Variants in RTF2 observed in about 807,000 individuals in gnomAD.
The protein encoded by RTF2 is replication termination factor 2, also known as UPF0549 protein C20orf43.
A neutral mutation model predicts 38.0 loss-of-function variants in RTF2; 18 were observed. The ratio of observed to expected loss-of-function variants is 0.47; its 90% CI spans 0.33 to 0.70. The LOEUF (loss-of-function observed/expected upper bound fraction) is 0.70. Among genes scored for constraint, RTF2 ranks in the 30% least tolerant of loss-of-function variants. The pLI is 0.02. For missense variants in RTF2, 311 were observed against 379.6 expected (o/e 0.82, Z 1.50); for synonymous variants, 126 against 137.1 (o/e 0.92, Z 0.57).
chr20:56,491,088 A>T (rs1293334482), intron 5 of RTF2, among the ~76,000 whole-genome samples: 2 of 152,322 alleles, frequency 1.3e-5, no homozygotes. Context: ...TACACTCTTC[A>T]TTATTTTTCT....
chr20:56,478,968 AC>A (rs1982392143), intron 4 of RTF2, among the ~76,000 whole-genome samples: 1 of 152,130 alleles, frequency 6.6e-6, no homozygotes, highest in Non-Finnish European at 1.5e-5. Flanking sequence ...GTCTCAAGAA[AC>A]CACTTTCTTT....
At chr20:56,496,489 A>G in intron 5 of RTF2, 1 of 789,906 alleles carries the variant, frequency 1.3e-6, no homozygotes, top group South Asian at 2.4e-5. Context: ...TGGAGCTTGC[A>G]GTGAGCCGAG....
intron 5 of RTF2, among the ~76,000 whole-genome samples, chr20:56,491,109 G>T (rs1469619774): frequency 6.6e-6 from 1 of 152,252 alleles, no homozygotes; most frequent in Middle Eastern, 3.2e-3. Context: ...AGGACCGCCA[G>T]AATAGGGTTA....
chr20:56,503,432 C>T (rs1984051833), intron 5 of RTF2, among the ~76,000 whole-genome samples: 1 of 152,130 alleles, frequency 6.6e-6, no homozygotes, highest in African/African-American at 2.4e-5. Flanking sequence ...TGAGGATTTG[C>T]ACGTGGCCTT....
At chr20:56,488,009 T>C (rs926364574) in intron 5 of RTF2, among the ~76,000 whole-genome samples, 2 of 152,182 alleles carry the variant, frequency 1.3e-5, no homozygotes, top group Admixed American at 6.5e-5. Flanking sequence ...GACTTCAACA[T>C]ATGGATTTTG....
At chr20:56,513,483 G>A in intron 6 of RTF2, 55 bp downstream of exon 6, 1 of 1,547,678 alleles carries the variant, frequency 6.5e-7, no homozygotes, top group Non-Finnish European at 8.7e-7. Flanking sequence ...AGAGCCGACT[G>A]CAAATCACTG....
In RTF2 at chr20:56,490,756, G is replaced by T. The variant is rs375540349; in HGVS notation, c.477+6567G>T. ...GGCTTGAACCTGGGAGGCAGAGATTGCGGTGAGCCGAGATCGTGCCATTGC... is the reference window on the plus strand; with the variant it reads ...GGCTTGAACCTGGGAGGCAGAGATTTCGGTGAGCCGAGATCGTGCCATTGC... On this transcript the variant is annotated intron_variant, in intron 5 of 8. Coordinates refer to ENST00000357348, the MANE Select transcript of RTF2 (RefSeq NM_016407.5). Among the ~76,000 whole-genome samples, 76 of 152,354 alleles carry T rather than the reference G, an allele frequency of 5.0e-4. 1 individual carries two copies. The highest frequency in any genetic ancestry group is 1.8e-3 in the African/African-American group (74 of 41,582).
Position 56,513,535 on chromosome 20 carries a change from G to A in RTF2, c.591+107G>A, listed in dbSNP as rs1348953674. The A allele has an allele frequency of 3.6e-6, 5 of 1,401,238 alleles. No individual in the cohort carries two copies. In the South Asian group the frequency reaches 3.9e-5, roughly 11 times the overall value. 86.8% of individuals were successfully genotyped at this position (1,401,238 alleles called of 1,614,324 possible). ...GCTTAGGGGTTTGCATGATCAAGGCGATTTTTATAACCTAGAAGGGCCTGG... is the reference window on the plus strand; with the variant it reads ...GCTTAGGGGTTTGCATGATCAAGGCAATTTTTATAACCTAGAAGGGCCTGG... On this transcript the variant is annotated intron_variant, in intron 6 of 8. Transcript: ENST00000357348.
chr20:56,499,893 C>A (rs775958105), intron 5 of RTF2, among the ~76,000 whole-genome samples: 7 of 151,920 alleles, frequency 4.6e-5, no homozygotes, highest in Non-Finnish European at 2.9e-5. Flanking sequence ...TGTGCCACCA[C>A]GCTAGCTAAT....
At chr20:56,496,473 G>A (rs1160205433) in intron 5 of RTF2, among the ~76,000 whole-genome samples, 5 of 152,160 alleles carry the variant, frequency 3.3e-5, no homozygotes, top group Non-Finnish European at 7.3e-5. Flanking sequence ...GCGTGAACCC[G>A]GGAGGTGGAG....
In RTF2 at chr20:56,516,954, C is replaced by T; in HGVS notation, c.611C>T (p.Ala204Val). The change falls in exon 7 of 9, where the codon GCA (alanine) becomes GTA (valine). Residue 204 changes from alanine to valine, a missense_variant. Ala to Val is a moderately conservative substitution (Grantham distance 64, BLOSUM62 0). Coordinates refer to ENST00000357348, the MANE Select transcript of RTF2 (RefSeq NM_016407.5). ...TTGTAGAAAACAAAGAAACCCAAGG[C>T]AGCAGAGTCTGTTTCAAAACCAGAT... is the stretch of plus-strand genomic sequence containing the variant. ...KLEKKTKKPK[A>V]AESVSKPDVS... The T allele has an allele frequency of 6.2e-7, 1 of 1,614,110 alleles. No homozygotes were observed. The highest frequency in any genetic ancestry group is 8.5e-7 in the Non-Finnish European group (1 of 1,179,938).
rs1982065103 is a variant in RTF2 at position 56,473,293 on chromosome 20, T to C, written c.70-8T>C. ...TGAAAATTAATTGAATTTTTTGTTT[T>C]TTATTAGGTCGACAAAGATGCTGAA... On this transcript the variant is annotated splice_polypyrimidine_tract_variant and splice_region_variant and intron_variant, in intron 1 of 8. Coordinates refer to ENST00000357348, the MANE Select transcript of RTF2 (RefSeq NM_016407.5). 1.2e-6 allele frequency: 2 copies of C among 1,609,186 alleles called. No individual in the cohort carries two copies. The highest frequency in any genetic ancestry group is 4.5e-5 in the East Asian group (2 of 44,836).
chr20:56,496,927 T>C (rs1202659601), intron 5 of RTF2: 3 of 1,551,736 alleles, frequency 1.9e-6, no homozygotes, highest in Non-Finnish European at 2.6e-6. Context: ...GTAATATTTT[T>C]ATCACTCCAT....
intron 2 of RTF2, 71 bp downstream of exon 2, chr20:56,473,466 T>C (rs1036454470): frequency 1.5e-5 from 17 of 1,124,864 alleles, no homozygotes; most frequent in Non-Finnish European, 2.3e-5. Flanking sequence ...TAAATGCAGT[T>C]TTCCATTCAT....
intron 5 of RTF2, among the ~76,000 whole-genome samples, chr20:56,509,218 G>T (rs1378126156): frequency 6.6e-6 from 1 of 152,146 alleles, no homozygotes; most frequent in Admixed American, 6.5e-5. Flanking sequence ...TATACAGATG[G>T]TCAGTTAGCA....
intron 6 of RTF2, chr20:56,515,910 C>G (rs1049054335): frequency 2.6e-5 from 4 of 152,330 alleles, no homozygotes; most frequent in African/African-American, 9.6e-5. Flanking sequence ...AATACACTTG[C>G]AGCTGGAAGC....
chr20:56,488,664 A>C (rs953071045), intron 5 of RTF2, among the ~76,000 whole-genome samples: 2 of 152,332 alleles, frequency 1.3e-5, no homozygotes, highest in Non-Finnish European at 2.9e-5. Context: ...CCATCTTTAT[A>C]GTCTTTGTGA....
chr20:56,475,038 A>G (rs1982167535), intron 3 of RTF2, among the ~76,000 whole-genome samples: 1 of 152,194 alleles, frequency 6.6e-6, no homozygotes, highest in South Asian at 2.1e-4. Context: ...GTTAGGAGGC[A>G]TTATTTTTGT....
chr20:56,470,802 G>A (rs1053785177), intron 1 of RTF2: 9 of 388,096 alleles, frequency 2.3e-5, no homozygotes, highest in Non-Finnish European at 5.3e-6. Flanking sequence ...GATTTTCTGG[G>A]TTGCCGACAA....
Sources: gnomAD v4.1 joint callset for allele counts (sites outside exome capture counted in the v4.1 genomes callset) on GRCh38, gnomAD v4.1.1 for gene constraint, MANE v1.5 for transcripts, NCBI Gene and HGNC (gene_info 2026-07-23, HGNC 2026-07-21) for gene names.